Variants in PDE1A observed in about 807,000 individuals in gnomAD.
The protein encoded by PDE1A is dual specificity calcium/calmodulin-dependent 3',5'-cyclic nucleotide phosphodiesterase 1A.
PDE1A carries 35 observed loss-of-function variants against 61.7 expected under a neutral mutation model. The ratio of observed to expected loss-of-function variants is 0.57; its 90% confidence interval spans 0.43 to 0.75. The LOEUF (loss-of-function observed/expected upper bound fraction) is 0.75, where lower values mean the gene tolerates loss of function less well. Ranked by LOEUF, PDE1A falls within the 30% of genes least tolerant of loss-of-function variation. PDE1A has a pLI of 0.00. For synonymous variants in PDE1A, 232 were observed against 213.2 expected, an observed-to-expected ratio of 1.09 and a Z score of -0.77; for missense variants, 597 against 630.6, an observed-to-expected ratio of 0.95 and a Z score of 0.57.
chr2:182,228,129 C>T (rs1056879609), intron 6 of PDE1A, among the ~76,000 whole-genome samples: 5 of 152,116 alleles, frequency 3.3e-5, no homozygotes, highest in Non-Finnish European at 7.4e-5. Context: ...GACTGAGTTA[C>T]TGTGCATCAC....
upstream of PDE1A, among the ~76,000 whole-genome samples, chr2:182,427,350 T>C (rs1703685262): frequency 6.6e-6 from 1 of 152,166 alleles, no homozygotes. Flanking sequence ...CCATATCAAC[T>C]GATAGAAGCC....
chr2:182,692,172 A>G, the PDE1A span, among the ~76,000 whole-genome samples: 8 of 152,248 alleles, frequency 5.3e-5, no homozygotes, highest in Admixed American at 1.3e-4. Context: ...TCCCATTACT[A>G]GGTATGTACC....
At chr2:182,170,995 T>C (rs1374504285) in intron 13 of PDE1A, among the ~76,000 whole-genome samples, 1 of 152,054 alleles carries the variant, frequency 6.6e-6, no homozygotes, top group African/African-American at 2.4e-5. Flanking sequence ...CCACCAATTT[T>C]AAATGTTTCT....
At chr2:182,644,293 G>GTGTC in the PDE1A span, among the ~76,000 whole-genome samples, 25 of 147,682 alleles carry the variant, frequency 1.7e-4, no homozygotes, top group African/African-American at 6.2e-4. Flanking sequence ...GTGTGTGTGT[G>GTGTC]TGTGTGTCTG....
At chr2:182,646,311 G>T in the PDE1A span, among the ~76,000 whole-genome samples, 2 of 149,532 alleles carry the variant, frequency 1.3e-5, no homozygotes, top group African/African-American at 2.5e-5. Flanking sequence ...AAAAAAATGG[G>T]CATAGTGGTG....
At chr2:182,271,142 T>C (rs563169287) in intron 1 of PDE1A, among the ~76,000 whole-genome samples, 6 of 148,642 alleles carry the variant, frequency 4.0e-5, no homozygotes, top group African/African-American at 1.5e-4. Context: ...CATTGTACAC[T>C]GGAAATTTGC....
At chr2:182,536,225 G>A in the PDE1A span, among the ~76,000 whole-genome samples, 1 of 152,184 alleles carries the variant, frequency 6.6e-6, no homozygotes, top group African/African-American at 2.4e-5. Flanking sequence ...TTTCCAAAAT[G>A]TTATACAGGA....
At chr2:182,169,272 A>G (rs1389783239) in intron 13 of PDE1A, among the ~76,000 whole-genome samples, 1 of 152,086 alleles carries the variant, frequency 6.6e-6, no homozygotes, top group Non-Finnish European at 1.5e-5. Flanking sequence ...TACAGTTTTA[A>G]GGAAAGAATA....
chr2:182,312,383 A>G (rs181162344), intron 1 of PDE1A, among the ~76,000 whole-genome samples: 1 of 152,262 alleles, frequency 6.6e-6, no homozygotes, highest in East Asian at 1.9e-4. Context: ...CTAACTCAAG[A>G]TCACAAGGCT....
the PDE1A span, among the ~76,000 whole-genome samples, chr2:182,682,513 C>A: frequency 6.6e-6 from 1 of 151,986 alleles, no homozygotes; most frequent in African/African-American, 2.4e-5. Flanking sequence ...ATCTGGGACT[C>A]CTGAGAGTTC....
At chr2:182,201,621 G>A (rs778886312) in intron 9 of PDE1A, 62 bp from the exon 10 acceptor site, 58 of 1,430,702 alleles carry the variant, frequency 4.1e-5, no homozygotes, top group Non-Finnish European at 5.5e-5. Flanking sequence ...AGTCTTTTCT[G>A]AGGCCAAGCC....
At chr2:182,659,138 C>T in the PDE1A span, among the ~76,000 whole-genome samples, 1 of 152,144 alleles carries the variant, frequency 6.6e-6, no homozygotes, top group Admixed American at 6.5e-5. Flanking sequence ...GTTCCATCTA[C>T]TTAACAAAAG....
At chr2:182,254,189 G>C (rs1474637218) in intron 2 of PDE1A, among the ~76,000 whole-genome samples, 1 of 151,978 alleles carries the variant, frequency 6.6e-6, no homozygotes, top group Non-Finnish European at 1.5e-5. Context: ...GTTTTTGAAA[G>C]TTTGTAGAAA....
At chr2:182,526,092 A>G (rs1306045375), upstream of PDE1A, among the ~76,000 whole-genome samples, 1 of 152,154 alleles carries the variant, frequency 6.6e-6, no homozygotes, top group Non-Finnish European at 1.5e-5. Context: ...TAAATTCATC[A>G]AGAATATTTA....
chr2:182,180,139 G>T (rs571784564), intron 13 of PDE1A, among the ~76,000 whole-genome samples: 9 of 152,204 alleles, frequency 5.9e-5, no homozygotes, highest in African/African-American at 2.2e-4. Context: ...CTGATACTCA[G>T]TGACTTTAAA....
At chr2:182,712,301 A>C in the PDE1A span, among the ~76,000 whole-genome samples, 5 of 152,248 alleles carry the variant, frequency 3.3e-5, no homozygotes, top group Non-Finnish European at 5.9e-5. Flanking sequence ...TTTGTACCGC[A>C]AATATGTTAT....
the PDE1A span, among the ~76,000 whole-genome samples, chr2:182,702,353 T>A: frequency 6.6e-6 from 1 of 152,302 alleles, no homozygotes; most frequent in East Asian, 1.9e-4. Flanking sequence ...TCCACCCACC[T>A]CGGCCTCCCA....
intron 1 of PDE1A, among the ~76,000 whole-genome samples, chr2:182,324,351 G>A (rs997629314): frequency 1.3e-5 from 2 of 151,126 alleles, no homozygotes; most frequent in South Asian, 2.1e-4. Flanking sequence ...CAAGATAATC[G>A]ATGTATACAA....
the PDE1A span, among the ~76,000 whole-genome samples, chr2:182,688,122 G>C: frequency 9.8e-5 from 15 of 152,290 alleles, no homozygotes; most frequent in East Asian, 2.7e-3. Context: ...TTATCCAGGA[G>C]AACTTCCCCA....
Sources: gnomAD v4.1 joint callset for allele counts (sites outside exome capture counted in the v4.1 genomes callset) on GRCh38, gnomAD v4.1.1 for gene constraint, MANE v1.5 for transcripts, NCBI Gene and HGNC (gene_info 2026-07-23, HGNC 2026-07-21) for gene names.